The following BCL2L11 variants were observed in gnomAD, a reference collection of about 807,000 sequenced individuals.
BCL2L11 encodes the protein BCL2 like 11, also known as bcl-2-like protein 11.
Under a neutral mutation model 20.6 loss-of-function variants are expected in BCL2L11, and 15 were observed. That is an observed-to-expected ratio of 0.73 (90% CI 0.49 to 1.12). BCL2L11 has a LOEUF of 1.12. Among genes scored for constraint, BCL2L11 ranks in the 50% most tolerant of loss-of-function variants. BCL2L11 has a pLI of 0.00. For synonymous variants in BCL2L11, 108 were observed against 92.8 expected (o/e 1.16, Z -0.94); for missense variants, 292 against 260.9 (o/e 1.12, Z -0.82).
At chr2:111,143,843 T>C (rs1286774598) in intron 2 of BCL2L11, among the ~76,000 whole-genome samples, 1 of 152,222 alleles carries the variant, frequency 6.6e-6, no homozygotes, top group East Asian at 1.9e-4. Context: ...TTTCTGATGT[T>C]GAATGAGAAA....
At chr2:111,158,019 G>T (rs1428079841) in intron 3 of BCL2L11, among the ~76,000 whole-genome samples, 1 of 152,182 alleles carries the variant, frequency 6.6e-6, no homozygotes, top group African/African-American at 2.4e-5. Flanking sequence ...AATAGAAAGT[G>T]GATTTGGTGT....
intron 3 of BCL2L11, chr2:111,153,993 C>T (rs559230385): frequency 1.5e-6 from 2 of 1,317,878 alleles, no homozygotes; most frequent in Non-Finnish European, 2.0e-6. Context: ...CGGCCTGGCC[C>T]CTCTATTCAG....
intron 2 of BCL2L11, among the ~76,000 whole-genome samples, chr2:111,137,633 C>CTTTT (rs575699231): frequency 8.3e-5 from 11 of 132,934 alleles, no homozygotes; most frequent in African/African-American, 2.8e-4. Flanking sequence ...TTCCTCCCCA[C>CTTTT]TTTTTTTTTT....
chr2:111,152,783 G>T (rs2077399601), intron 3 of BCL2L11, among the ~76,000 whole-genome samples: 1 of 149,698 alleles, frequency 6.7e-6, no homozygotes, highest in Non-Finnish European at 1.5e-5. Context: ...TCATTTCACA[G>T]TTTAATGTTT....
At chr2:111,140,944 G>A (rs897219069) in intron 2 of BCL2L11, among the ~76,000 whole-genome samples, 1 of 152,208 alleles carries the variant, frequency 6.6e-6, no homozygotes, top group Non-Finnish European at 1.5e-5. Flanking sequence ...TCTGTCCTCG[G>A]CAAAGAAAGC....
At chr2:111,153,240 G>A (rs1262010541) in intron 3 of BCL2L11, among the ~76,000 whole-genome samples, 1 of 152,030 alleles carries the variant, frequency 6.6e-6, no homozygotes, top group African/African-American at 2.4e-5. Flanking sequence ...TTAGCTGGGT[G>A]TGGTGGTGGG....
intron 1 of BCL2L11, chr2:111,122,886 C>T (rs932538448): frequency 1.0e-6 from 1 of 985,146 alleles, no homozygotes; most frequent in African/African-American, 1.7e-5. Context: ...GGCTTGGTCC[C>T]TGGCCCGGAC....
intron 2 of BCL2L11, chr2:111,144,670 C>T: frequency 1.9e-6 from 2 of 1,073,182 alleles, no homozygotes; most frequent in Non-Finnish European, 2.6e-6. Flanking sequence ...ATTTTTCTTT[C>T]TCTAAATGAA....
intron 2 of BCL2L11, among the ~76,000 whole-genome samples, chr2:111,128,347 G>T (rs1002819971): frequency 1.3e-5 from 2 of 152,078 alleles, no homozygotes; most frequent in African/African-American, 2.4e-5. Context: ...CATCCATCAG[G>T]AGATACTTGG....
intron 1 of BCL2L11, among the ~76,000 whole-genome samples, chr2:111,122,086 CGCGTCCGCGGCCA>C (rs2071131792): frequency 1.3e-5 from 2 of 152,130 alleles, no homozygotes; most frequent in Admixed American, 6.5e-5. Flanking sequence ...CGCGGACGTG[CGCGTCCGCGGCCA>C]GGGGTGGCTC....
chr2:111,129,924 G>A lies in BCL2L11; in HGVS notation c.394+5785G>A, dbSNP rs369546629. The stretch of plus-strand genomic sequence containing the variant: ...TAGCATAATTCCCTTGAAATTAATC[G>A]GAGATGTTGTGTAACAATAGTGCCT... On this transcript the variant is annotated intron_variant, in intron 2 of 3. Transcript: ENST00000393256. 7.9e-5 allele frequency among the ~76,000 whole-genome samples: 12 copies of A among 152,144 alleles called. No individual in the cohort carries two copies. The East Asian group carries it at 1.4e-3, about 17-fold the overall frequency.
At chr2:111,142,706 G>A (rs1047227808) in intron 2 of BCL2L11, among the ~76,000 whole-genome samples, 1 of 152,164 alleles carries the variant, frequency 6.6e-6, no homozygotes, top group African/African-American at 2.4e-5. Flanking sequence ...AGACCTTAAT[G>A]TGAGTTTAGG....
intron 2 of BCL2L11, chr2:111,146,239 C>T (rs1447200966): frequency 1.0e-6 from 1 of 982,314 alleles, no homozygotes; most frequent in African/African-American, 1.7e-5. Flanking sequence ...AATTTGATCT[C>T]CCTACAGAGT....
chr2:111,140,676 A>C (rs533232755), intron 2 of BCL2L11, among the ~76,000 whole-genome samples: 2 of 152,338 alleles, frequency 1.3e-5, no homozygotes, highest in South Asian at 2.1e-4. Context: ...ATTAACCTGA[A>C]GTAGTCTATA....
At chr2:111,135,379 G>T (rs2074685871) in intron 2 of BCL2L11, among the ~76,000 whole-genome samples, 1 of 152,170 alleles carries the variant, frequency 6.6e-6, no homozygotes, top group African/African-American at 2.4e-5. Flanking sequence ...AGTGCACACT[G>T]CTTTATTGTG....
At chr2:111,150,350 A>G in intron 3 of BCL2L11, 1 of 1,042,700 alleles carries the variant, frequency 9.6e-7, no homozygotes, top group Non-Finnish European at 1.3e-6. Context: ...AAAATAATAC[A>G]GTAGGAGGCA....
At chr2:111,124,519 T>G (rs1203784559) in intron 2 of BCL2L11, among the ~76,000 whole-genome samples, 4 of 152,202 alleles carry the variant, frequency 2.6e-5, no homozygotes, top group Non-Finnish European at 5.9e-5. Flanking sequence ...CTCAATCTCC[T>G]GACCTTGTAA....
intron 3 of BCL2L11, among the ~76,000 whole-genome samples, chr2:111,159,691 C>T (rs1355289024): frequency 1.3e-5 from 2 of 152,210 alleles, no homozygotes; most frequent in East Asian, 1.9e-4. Context: ...CTTAATTGGT[C>T]GTCCCAAGTG....
intron 3 of BCL2L11, chr2:111,151,699 C>A: frequency 1.3e-6 from 1 of 796,406 alleles, no homozygotes; most frequent in Non-Finnish European, 2.1e-6. Flanking sequence ...CAAGAAAACA[C>A]ACATCGGATC....
Sources: allele counts gnomAD v4.1 joint callset (sites outside exome capture counted in the v4.1 genomes callset), GRCh38; gene constraint gnomAD v4.1.1; transcripts MANE v1.5; gene names NCBI Gene and HGNC (gene_info 2026-07-23, HGNC 2026-07-21).